Variants in PTGFRN observed in about 807,000 individuals in gnomAD.
PTGFRN encodes the protein prostaglandin F2 receptor negative regulator.
In PTGFRN, 35 loss-of-function variants were observed where a neutral mutation model predicts 83.2. That is an observed-to-expected ratio of 0.42 (90% confidence interval 0.32 to 0.56). The LOEUF (loss-of-function observed/expected upper bound fraction) is 0.56. Ranked by LOEUF, PTGFRN falls within the 20% of genes least tolerant of loss-of-function variation. The pLI is 0.11. For synonymous variants in PTGFRN, 519 were observed against 498.6 expected (o/e 1.04, Z -0.55); for missense variants, 1,051 against 1,179.5 (o/e 0.89, Z 1.60).
chr1:116,954,635 T>C (rs1413625188), intron 4 of PTGFRN, among the ~76,000 whole-genome samples: 1 of 152,226 alleles, frequency 6.6e-6, no homozygotes, highest in East Asian at 1.9e-4. Flanking sequence ...TTCCGGGACG[T>C]AGCAGGCTTT....
In PTGFRN at chr1:116,985,532, A is replaced by T. The variant is rs921628667; in HGVS notation, c.2473+547A>T. 1.1e-4 allele frequency among the ~76,000 whole-genome samples: 17 copies of T among 152,096 alleles called. 1 individual carries two copies. Among genetic ancestry groups the T allele is most frequent in the Admixed American group, 5.9e-4 (9 of 15,276 alleles). On this transcript the variant is annotated intron_variant, in intron 8 of 8. Transcript: ENST00000393203. Reference sequence around the variant, plus strand: ...GCCAACATAGTGAAACCCCGTCTCTACTAAAAATACAAAAAAGAAAAACAA... The same window carrying T: ...GCCAACATAGTGAAACCCCGTCTCTTCTAAAAATACAAAAAAGAAAAACAA...
At chr1:116,943,641 T>C (rs915941720) in intron 2 of PTGFRN, among the ~76,000 whole-genome samples, 4 of 152,206 alleles carry the variant, frequency 2.6e-5, no homozygotes, top group Non-Finnish European at 4.4e-5. Context: ...CTCTGAGAGA[T>C]GAGCTGGCCT....
chr1:116,957,407 C>G (rs1650531635), intron 4 of PTGFRN, among the ~76,000 whole-genome samples: 2 of 151,918 alleles, frequency 1.3e-5, no homozygotes, highest in Admixed American at 6.6e-5. Context: ...AGGTGATTGG[C>G]ACAGGAGCTA....
chr1:116,979,439 C>G (rs1651247556), intron 7 of PTGFRN, among the ~76,000 whole-genome samples: 1 of 152,210 alleles, frequency 6.6e-6, no homozygotes, highest in South Asian at 2.1e-4. Flanking sequence ...AAGAACAAAG[C>G]TGGAGGTATC....
chr1:116,936,653 A>T lies in PTGFRN; in HGVS notation c.50-5062A>T, dbSNP rs1288300707. On this transcript the variant is annotated intron_variant, in intron 1 of 8. Coordinates refer to ENST00000393203, the MANE Select transcript of PTGFRN (RefSeq NM_020440.4). ...AAGCAGAGGCCATGAAGCACCAGAG[A>T]GTATGGCATTTCCAGAAAGTGAAGA... 2.0e-5 allele frequency among the ~76,000 whole-genome samples: 3 copies of T among 152,328 alleles called. No individual in the cohort carries two copies. The East Asian group carries it at 5.8e-4, about 29-fold the overall frequency.
chr1:116,989,381 G>C lies in PTGFRN; in HGVS notation c.*2414G>C, dbSNP rs982726542. The C allele has an allele frequency of 3.3e-5, 5 of 152,272 alleles. No homozygotes were observed. Among genetic ancestry groups the C allele is most frequent in the African/African-American group, 1.2e-4 (5 of 41,426 alleles). 9.4% of individuals were successfully genotyped at this position (152,272 alleles called of 1,614,324 possible). ...TACCAAGGACCTAGTTCCTTCTAGG[G>C]ATATAAATTTCCAGGAATGTGTATT... On this transcript the variant is annotated 3_prime_UTR_variant, in exon 9 of 9. Transcript: ENST00000393203.
intron 4 of PTGFRN, among the ~76,000 whole-genome samples, chr1:116,950,652 TC>T (rs1269445163): frequency 6.6e-6 from 1 of 152,032 alleles, no homozygotes; most frequent in African/African-American, 2.4e-5. Context: ...CTTTTTTTTT[TC>T]CTCCCCAGTA....
intron 3 of PTGFRN, among the ~76,000 whole-genome samples, chr1:116,945,719 C>G (rs1650184030): frequency 6.7e-6 from 1 of 149,688 alleles, no homozygotes; most frequent in Non-Finnish European, 1.5e-5. Context: ...ACAAGAAGCC[C>G]TTTGTCCTGT....
intron 6 of PTGFRN, among the ~76,000 whole-genome samples, chr1:116,971,759 C>A (rs547825946): frequency 6.6e-6 from 1 of 152,012 alleles, no homozygotes; most frequent in African/African-American, 2.4e-5. Flanking sequence ...AGAACTGTAA[C>A]GTGACCTAGG....
At chr1:116,971,429 C>T (rs1056109664) in intron 6 of PTGFRN, among the ~76,000 whole-genome samples, 1 of 152,192 alleles carries the variant, frequency 6.6e-6, no homozygotes, top group Non-Finnish European at 1.5e-5. Context: ...AGTTCCTATA[C>T]TCTCTGCAGA....
chr1:116,939,618 A>G (rs1159055042), intron 1 of PTGFRN, among the ~76,000 whole-genome samples: 1 of 152,096 alleles, frequency 6.6e-6, no homozygotes, highest in East Asian at 1.9e-4. Context: ...CATTTTCCCC[A>G]TTGTCTTGGG....
In PTGFRN at chr1:116,949,412, G is replaced by C. The variant is rs760160080; in HGVS notation, c.1053G>C (p.Val351=). 33 of 1,614,244 alleles carry C rather than the reference G, an allele frequency of 2.0e-5. No homozygotes were observed. Among genetic ancestry groups the C allele is most frequent in the Non-Finnish European group, 2.6e-5 (31 of 1,180,038 alleles). ...CGCCTCATGTTGCTTTGAGTCATGTGGATGCACGCTCCTACCATTTACTGG... is the reference window on the plus strand; with the variant it reads ...CGCCTCATGTTGCTTTGAGTCATGTCGATGCACGCTCCTACCATTTACTGG... ...HSSPHVALSH[V]DARSYHLLVR... Residue 351 remains valine (V), a synonymous_variant, in exon 4 of 9, where the codon GTG becomes GTC. Transcript: ENST00000393203.
At position 116,986,772 on chromosome 1, in the gene PTGFRN, T is replaced by C. The variant is rs1570684786; in HGVS notation, c.2474-29T>C. 1.9e-6 allele frequency: 3 copies of C among 1,610,188 alleles called. No homozygotes were observed. In the East Asian group the frequency reaches 6.7e-5, roughly 36 times the overall value. ...AAGCGGCCTCCCTCGCAGCACTGAC[T>C]GGCTTCCCCTTTGATCTCTCCCTCC... On this transcript the variant is annotated intron_variant, in intron 8 of 8. Coordinates refer to ENST00000393203, the MANE Select transcript of PTGFRN (RefSeq NM_020440.4).
intron 3 of PTGFRN, among the ~76,000 whole-genome samples, chr1:116,947,824 T>G (rs1419064047): frequency 6.6e-6 from 1 of 152,192 alleles, no homozygotes; most frequent in Admixed American, 6.5e-5. Flanking sequence ...ACCCTCAGGC[T>G]ACTTTTGGCC....
intron 4 of PTGFRN, among the ~76,000 whole-genome samples, chr1:116,951,795 C>T (rs749255468): frequency 1.3e-4 from 20 of 152,122 alleles, no homozygotes; most frequent in South Asian, 2.1e-4. Context: ...AAGACTTCCC[C>T]GCTGGACTCT....
intron 1 of PTGFRN, among the ~76,000 whole-genome samples, chr1:116,915,817 T>A (rs1168457885): frequency 6.6e-6 from 1 of 152,234 alleles, no homozygotes; most frequent in Non-Finnish European, 1.5e-5. Context: ...TTTTGTTTAA[T>A]TGCATTGGTT....
At position 116,984,932 on chromosome 1, in the gene PTGFRN, A is replaced by G. The variant is rs1168755781; in HGVS notation, c.2420A>G (p.Gln807Arg). The G allele has an allele frequency of 6.2e-7, 1 of 1,614,200 alleles. No homozygotes were observed. The highest frequency in any genetic ancestry group is 2.2e-5 in the East Asian group (1 of 44,878). The stretch of plus-strand genomic sequence containing the variant: ...GTGAAGTCACCAACAGGTTCCTGGC[A>G]GAAGGAGGCAGAGATCCACTCCAAG... ...PWVKSPTGSW[Q>R]KEAEIHSKPV... Residue 807 changes from glutamine to arginine, a missense_variant, in exon 8 of 9, where the codon CAG becomes CGG. By Grantham distance (43) the Gln-to-Arg change is conservative. This residue lies in a region of PTGFRN where 719 missense variants were observed against 836.6 expected (regional missense o/e 0.86). Transcript: ENST00000393203.
chr1:116,985,249 A>G (rs568432254), intron 8 of PTGFRN, among the ~76,000 whole-genome samples: 1 of 152,320 alleles, frequency 6.6e-6, no homozygotes, highest in Admixed American at 6.5e-5. Context: ...TGCCTCTTCC[A>G]TAAATTTATA....
rs961887672 is a variant in PTGFRN, at chr1:116,941,426, T to C, written c.50-289T>C. Reference sequence around the variant, plus strand: ...TGGTTAGGGTGTGTTAAATAGTAACTGGAGGGAAGAAGCTATTGAGGTTTA... The same window carrying C: ...TGGTTAGGGTGTGTTAAATAGTAACCGGAGGGAAGAAGCTATTGAGGTTTA... On this transcript the variant is annotated intron_variant, in intron 1 of 8. Transcript: ENST00000393203. The surrounding 1 kb of genome is among the most constrained non-coding windows in gnomAD (Gnocchi z 5.0). Among the ~76,000 whole-genome samples the C allele has an allele frequency of 2.0e-5, 3 of 152,240 alleles. No individual in the cohort carries two copies. The highest frequency in any genetic ancestry group is 4.4e-5 in the Non-Finnish European group (3 of 68,036).
Sources: gnomAD v4.1 joint callset for allele counts (sites outside exome capture counted in the v4.1 genomes callset) on GRCh38, gnomAD v4.1.1 for gene constraint, gnomAD v4.1.1 regional missense constraint, Gnocchi (gnomAD v3.1) non-coding constraint, MANE v1.5 for transcripts, NCBI Gene and HGNC (gene_info 2026-07-23, HGNC 2026-07-21) for gene names.